FIG4: variants seen among roughly 807,000 people sequenced by gnomAD.
FIG4 encodes polyphosphoinositide phosphatase.
FIG4 carries 112 observed loss-of-function variants against 118.6 expected under a neutral mutation model. The observed-to-expected ratio is 0.94, with a 90% CI of 0.81 to 1.11. The LOEUF (loss-of-function observed/expected upper bound fraction) is 1.11. FIG4 is among the 50% of genes least tolerant of loss of function. The pLI is 0.00. For synonymous variants in FIG4, 369 were observed against 381.2 expected (o/e 0.97, Z 0.37); for missense variants, 969 against 1,111.7 (o/e 0.87, Z 1.83).
chr6:109,750,311 C>T (rs760427503), intron 10 of FIG4, among the ~76,000 whole-genome samples: 14 of 152,134 alleles, frequency 9.2e-5, no homozygotes, highest in Non-Finnish European at 1.6e-4. Context: ...GTGGGCCATG[C>T]ATGGCTGTTA....
chr6:109,762,950 G>A (rs542720940), intron 12 of FIG4, among the ~76,000 whole-genome samples: 1 of 152,276 alleles, frequency 6.6e-6, no homozygotes, highest in African/African-American at 2.4e-5. Context: ...AAAGGCAAAA[G>A]GGGCAAAGTC....
chr6:109,813,664 T>G (rs1778781498), intron 22 of FIG4, among the ~76,000 whole-genome samples: 1 of 152,204 alleles, frequency 6.6e-6, no homozygotes, highest in African/African-American at 2.4e-5. Flanking sequence ...GTTATTCATA[T>G]CCTCTTGTAA....
At position 109,776,060 on chromosome 6, in the gene FIG4, A is replaced by G. The variant is rs56797117; in HGVS notation, c.1751-862A>G. ...TTGTGGATGTCTGCCACAAACTTCA[A>G]TATACAGGGCTCTGAGACAAGAATG... On this transcript the variant is annotated intron_variant, in intron 15 of 22. Transcript: ENST00000230124. Among the ~76,000 whole-genome samples, 99 of 152,332 alleles carry G rather than the reference A, an allele frequency of 6.5e-4. 1 individual carries two copies. Among genetic ancestry groups the G allele is most frequent in the East Asian group, 3.9e-3 (20 of 5,192 alleles).
At chr6:109,809,865 G>T (rs1778672051) in intron 22 of FIG4, among the ~76,000 whole-genome samples, 1 of 152,116 alleles carries the variant, frequency 6.6e-6, no homozygotes, top group South Asian at 2.1e-4. Context: ...TTGCAGATGG[G>T]CAAGCTCCAG....
chr6:109,818,716 C>G (rs1778927981), intron 22 of FIG4, among the ~76,000 whole-genome samples: 1 of 152,102 alleles, frequency 6.6e-6, no homozygotes, highest in South Asian at 2.1e-4. Context: ...ATACTGTATT[C>G]AAAAAGCCAT....
At chr6:109,734,481 A>C (rs901369944) in intron 5 of FIG4, among the ~76,000 whole-genome samples, 1 of 149,372 alleles carries the variant, frequency 6.7e-6, no homozygotes, top group African/African-American at 2.4e-5. Flanking sequence ...ATAGAGTATA[A>C]ATATATTTAT....
At chr6:109,719,417 C>T (rs1775538688) in intron 3 of FIG4, among the ~76,000 whole-genome samples, 1 of 151,570 alleles carries the variant, frequency 6.6e-6, no homozygotes, top group Admixed American at 6.6e-5. Flanking sequence ...CAGGACCTTG[C>T]TCTGTCATCT....
chr6:109,748,494 G>A (rs766846715), intron 10 of FIG4, among the ~76,000 whole-genome samples: 18 of 152,188 alleles, frequency 1.2e-4, no homozygotes, highest in Admixed American at 3.9e-4. Flanking sequence ...AAGAGGTCAC[G>A]AATAAGAAAT....
chr6:109,814,172 A>T (rs906084320), intron 22 of FIG4, among the ~76,000 whole-genome samples: 1 of 152,188 alleles, frequency 6.6e-6, no homozygotes, highest in African/African-American at 2.4e-5. Context: ...ATTTAAAGAC[A>T]GTCTCGCTCT....
intron 9 of FIG4, 101 bp from the exon 10 acceptor site, chr6:109,743,574 G>C: frequency 1.2e-6 from 1 of 853,154 alleles, no homozygotes; most frequent in Non-Finnish European, 2.0e-6. Context: ...ACTATTGAAA[G>C]ATTAGTTGAA....
chr6:109,728,361 G>A (rs1775883706), intron 4 of FIG4, among the ~76,000 whole-genome samples: 2 of 151,928 alleles, frequency 1.3e-5, no homozygotes, highest in African/African-American at 4.8e-5. Context: ...CAAAAGTTTT[G>A]GAGGAATTAT....
chr6:109,800,518 A>G (rs1778400018), intron 22 of FIG4, among the ~76,000 whole-genome samples: 1 of 152,200 alleles, frequency 6.6e-6, no homozygotes, highest in Non-Finnish European at 1.5e-5. Flanking sequence ...CCACTGGAAC[A>G]GTGTTGCTGA....
At chr6:109,708,746 T>C (rs1202437654) in intron 1 of FIG4, among the ~76,000 whole-genome samples, 1 of 152,208 alleles carries the variant, frequency 6.6e-6, no homozygotes, top group Non-Finnish European at 1.5e-5. Context: ...TTTCATATGA[T>C]TGTTGGCTGC....
intron 19 of FIG4, among the ~76,000 whole-genome samples, chr6:109,791,120 G>T (rs568921741): frequency 1.7e-3 from 254 of 152,322 alleles, no homozygotes; most frequent in Admixed American, 2.9e-3. Context: ...CAAGTGGTGA[G>T]AAGATTTTTT....
chr6:109,692,011 A>G (rs553029111), intron 1 of FIG4, among the ~76,000 whole-genome samples: 2 of 152,352 alleles, frequency 1.3e-5, no homozygotes, highest in Admixed American at 1.3e-4. Flanking sequence ...AGGAAAGGAA[A>G]ACTTACTTTG....
chr6:109,785,824 G>A, intron 17 of FIG4: 1 of 404,750 alleles, frequency 2.5e-6, no homozygotes, highest in East Asian at 7.3e-5. Context: ...ATTTTGGAAG[G>A]TATTTGTAAC....
intron 21 of FIG4, 75 bp downstream of exon 21, chr6:109,792,739 T>A: frequency 1.2e-4 from 35 of 281,332 alleles, no homozygotes; most frequent in East Asian, 1.6e-4. Flanking sequence ...ACTATACCTT[T>A]TTTTTTTTTT....
intron 10 of FIG4, among the ~76,000 whole-genome samples, chr6:109,744,965 A>G (rs1306907545): frequency 6.6e-6 from 1 of 152,148 alleles, no homozygotes; most frequent in African/African-American, 2.4e-5. Flanking sequence ...TGCAAAGGAC[A>G]TGAACTCATC....
chr6:109,774,782 C>T (rs1777570142), intron 15 of FIG4, among the ~76,000 whole-genome samples: 1 of 152,010 alleles, frequency 6.6e-6, no homozygotes, highest in Admixed American at 6.6e-5. Context: ...CTGTGTCTTT[C>T]CTACATTTAG....
Sources: allele counts gnomAD v4.1 joint callset (sites outside exome capture counted in the v4.1 genomes callset), GRCh38; gene constraint gnomAD v4.1.1; transcripts MANE v1.5; gene names NCBI Gene and HGNC (gene_info 2026-07-23, HGNC 2026-07-21).